The following QTGAL variants were observed in gnomAD, a reference collection of about 807,000 sequenced individuals.
The protein encoded by QTGAL is queuosine-tRNA galactosyltransferase.
the QTGAL span, among the ~76,000 whole-genome samples, chr17:83,004,713 A>G: frequency 8.9e-6 from 1 of 112,182 alleles, no homozygotes; most frequent in African/African-American, 3.6e-5. Context: ...CCGCCCTCCC[A>G]CTCTCTGCAG....
chr17:83,029,443 G>C, the QTGAL span, among the ~76,000 whole-genome samples: 1 of 152,152 alleles, frequency 6.6e-6, no homozygotes, highest in Admixed American at 6.5e-5. Context: ...CGGAATTTGG[G>C]CTGACGGTTA....
At chr17:82,977,457 GTC>G in the QTGAL span, among the ~76,000 whole-genome samples, 1 of 151,990 alleles carries the variant, frequency 6.6e-6, no homozygotes, top group Non-Finnish European at 1.5e-5. Flanking sequence ...TGTGACAGTG[GTC>G]TCTACCCCTT....
At chr17:83,015,367 G>C in the QTGAL span, among the ~76,000 whole-genome samples, 1 of 152,258 alleles carries the variant, frequency 6.6e-6, no homozygotes, top group Non-Finnish European at 1.5e-5. The surrounding 1 kb of genome is among the most constrained non-coding windows in gnomAD (Gnocchi z 4.4). Flanking sequence ...CACACACACA[G>C]ACATGCTCAC....
At chr17:83,029,990 C>A in the QTGAL span, among the ~76,000 whole-genome samples, 1 of 152,172 alleles carries the variant, frequency 6.6e-6, no homozygotes, top group Non-Finnish European at 1.5e-5. Context: ...CCACCTGCAC[C>A]ACTGGCCTCA....
the QTGAL span, among the ~76,000 whole-genome samples, chr17:82,988,323 G>C: frequency 3.9e-5 from 6 of 152,162 alleles, no homozygotes; most frequent in East Asian, 1.2e-3. Flanking sequence ...ACTGAAACTG[G>C]AGCCCTTCTT....
the QTGAL span, among the ~76,000 whole-genome samples, chr17:82,978,272 G>A: frequency 6.6e-6 from 1 of 152,088 alleles, no homozygotes; most frequent in Non-Finnish European, 1.5e-5. The surrounding 1 kb of genome is among the most constrained non-coding windows in gnomAD (Gnocchi z 4.8). Context: ...TCCTCAGTTT[G>A]CTTCCTAATT....
At chr17:83,015,276 G>A in the QTGAL span, among the ~76,000 whole-genome samples, 2 of 152,188 alleles carry the variant, frequency 1.3e-5, no homozygotes, top group South Asian at 2.1e-4. This position sits in a 1 kb window ranked among gnomAD's most constrained non-coding sequence, Gnocchi z 4.4. Context: ...GGAGGGGACC[G>A]TCTGGCATCT....
At chr17:83,015,321 C>G in the QTGAL span, among the ~76,000 whole-genome samples, 1 of 152,270 alleles carries the variant, frequency 6.6e-6, no homozygotes. The surrounding 1 kb of genome is among the most constrained non-coding windows in gnomAD (Gnocchi z 4.4). Flanking sequence ...CCCTAAGACC[C>G]TGACGTCTGA....
the QTGAL span, among the ~76,000 whole-genome samples, chr17:82,986,578 A>G: frequency 6.6e-6 from 1 of 152,234 alleles, no homozygotes; most frequent in African/African-American, 2.4e-5. Flanking sequence ...CGCGTGACAC[A>G]GGATGTTATG....
At chr17:82,982,141 G>A in the QTGAL span, among the ~76,000 whole-genome samples, 52 of 8,728 alleles carry the variant, frequency 6.0e-3, 8 homozygotes, top group African/African-American at 0.042. Context: ...TCTCACCTCT[G>A]TGGTGATGGG....
the QTGAL span, chr17:82,956,688 C>T: frequency 1.9e-6 from 3 of 1,569,750 alleles, no homozygotes; most frequent in East Asian, 2.4e-5. The surrounding 1 kb of genome is among the most constrained non-coding windows in gnomAD (Gnocchi z 5.7). Flanking sequence ...AAGGGCCCCA[C>T]ACTCACCAGC....
the QTGAL span, among the ~76,000 whole-genome samples, chr17:82,985,455 T>C: frequency 6.6e-6 from 1 of 152,244 alleles, no homozygotes; most frequent in Admixed American, 6.5e-5. Context: ...AGGAAAATTC[T>C]ATCTAAGAGG....
At chr17:83,048,708 T>C in the QTGAL span, 2 of 1,614,098 alleles carry the variant, frequency 1.2e-6, no homozygotes, top group South Asian at 2.2e-5. Context: ...CCATGGTACC[T>C]TCAAAGTCCT....
the QTGAL span, among the ~76,000 whole-genome samples, chr17:83,009,915 G>T: frequency 7.0e-6 from 1 of 143,774 alleles, no homozygotes; most frequent in Admixed American, 7.0e-5. Flanking sequence ...GCCTTGGAGT[G>T]AACGACTTGC....
At chr17:83,000,416 C>T in the QTGAL span, among the ~76,000 whole-genome samples, 1,849 of 152,300 alleles carry the variant, frequency 0.012, 42 homozygotes, top group African/African-American at 0.042. Context: ...TCGTGCAGCA[C>T]GCACTGCAGT....
the QTGAL span, among the ~76,000 whole-genome samples, chr17:83,021,127 A>T: frequency 6.6e-6 from 1 of 152,214 alleles, no homozygotes; most frequent in South Asian, 2.1e-4. Context: ...GTTTTTCTTC[A>T]TAATGAAAAT....
chr17:83,040,151 T>C, the QTGAL span, among the ~76,000 whole-genome samples: 1 of 152,178 alleles, frequency 6.6e-6, no homozygotes, highest in East Asian at 1.9e-4. Flanking sequence ...AAAATCCCAA[T>C]GCCCACGCTG....
the QTGAL span, among the ~76,000 whole-genome samples, chr17:82,982,534 A>G: frequency 0.72 from 102,808 of 141,836 alleles, 35,077 homozygotes; most frequent in East Asian, 0.82. Context: ...AGGGCCTCAC[A>G]GAGAGCCTTG....
the QTGAL span, among the ~76,000 whole-genome samples, chr17:83,041,362 T>C: frequency 6.6e-6 from 1 of 152,264 alleles, no homozygotes; most frequent in East Asian, 1.9e-4. Flanking sequence ...TCTCATATTA[T>C]TGAAAAACAT....
Sources: allele counts gnomAD v4.1 joint callset (sites outside exome capture counted in the v4.1 genomes callset), GRCh38; gene constraint gnomAD v4.1.1; non-coding constraint Gnocchi (gnomAD v3.1); transcripts MANE v1.5; gene names NCBI Gene and HGNC (gene_info 2026-07-23, HGNC 2026-07-21).